Variants in CTNNA3 observed in about 807,000 individuals in gnomAD.
CTNNA3 encodes catenin alpha 3, also known as catenin alpha-3.
CTNNA3 carries 76 observed loss-of-function variants against 95.7 expected under a neutral mutation model. The observed-to-expected ratio is 0.79, with a 90% confidence interval of 0.66 to 0.96. CTNNA3 has a LOEUF of 0.96. Among genes scored for constraint, CTNNA3 ranks in the 40% least tolerant of loss-of-function variants. CTNNA3 has a pLI of 0.00. For missense variants in CTNNA3, 1,191 were observed against 1,089.8 expected (o/e 1.09, Z -1.31); for synonymous variants, 431 against 374.4 (o/e 1.15, Z -1.74).
intron 11 of CTNNA3, among the ~76,000 whole-genome samples, chr10:66,426,321 TTTTTAAAAAA>T (rs1338023199): frequency 6.6e-6 from 1 of 152,084 alleles, no homozygotes; most frequent in Non-Finnish European, 1.5e-5. Flanking sequence ...ATTTAACTTG[TTTTTAAAAAA>T]TAAAACTGTA....
chr10:67,519,514 T>C (rs1839919187), intron 5 of CTNNA3, among the ~76,000 whole-genome samples: 6 of 152,170 alleles, frequency 3.9e-5, no homozygotes, highest in Admixed American at 3.3e-4. Flanking sequence ...GCAAAACACA[T>C]TGATTTTAAT....
intron 10 of CTNNA3, among the ~76,000 whole-genome samples, chr10:66,610,308 A>C (rs901114331): frequency 3.4e-4 from 51 of 152,184 alleles, no homozygotes; most frequent in African/African-American, 9.2e-4. Flanking sequence ...TATGTAACAA[A>C]CCCGCACATG....
At chr10:66,588,478 G>A (rs1843436267) in intron 10 of CTNNA3, among the ~76,000 whole-genome samples, 1 of 152,000 alleles carries the variant, frequency 6.6e-6, no homozygotes, top group South Asian at 2.1e-4. Context: ...TAACACATAG[G>A]CCAGATTTTC....
rs191429816 is a variant in CTNNA3 at position 66,621,542 on chromosome 10, A to C, written c.1374+150T>G. ...AGGAAGCAGAAGTTGCAGTCAGTCGAGATTGCGCCACTGCATTCCAGCCTG... is the reference window on the plus strand; with the variant it reads ...AGGAAGCAGAAGTTGCAGTCAGTCGCGATTGCGCCACTGCATTCCAGCCTG... On this transcript the variant is annotated intron_variant, in intron 10 of 17. Coordinates refer to ENST00000433211, the MANE Select transcript of CTNNA3 (RefSeq NM_013266.4). 1.4e-5 allele frequency: 7 copies of C among 490,120 alleles called. No individual in the cohort carries two copies. The Admixed American group carries it at 1.6e-4, about 11-fold the overall frequency. The allele number at this position is 490,120 out of a possible 1,614,324, so 30.4% of individuals were successfully genotyped here.
rs1476210062 is a variant in CTNNA3, at chr10:65,917,343, T to C, written c.*2987A>G. Reference sequence around the variant, plus strand: ...AGAAACTGACTTAGAAACATTTTACTTCAATAATTTTAATTTGTCATAAAT... The same window carrying C: ...AGAAACTGACTTAGAAACATTTTACCTCAATAATTTTAATTTGTCATAAAT... On this transcript the variant is annotated 3_prime_UTR_variant, in exon 18 of 18. Transcript: ENST00000433211. 6.6e-6 allele frequency: 1 copy of C among 152,208 alleles called. No individual in the cohort carries two copies. Among genetic ancestry groups the C allele is most frequent in the African/African-American group, 2.4e-5 (1 of 41,460 alleles). The allele number at this position is 152,208 out of a possible 1,614,324, so 9.4% of individuals were successfully genotyped here. A position where few individuals can be genotyped will look rare whatever the true frequency, so the allele number is the denominator to read the frequency against.
At chr10:66,466,339 T>TACACACACACACACACACAC (rs143601111) in intron 11 of CTNNA3, among the ~76,000 whole-genome samples, 50 of 141,766 alleles carry the variant, frequency 3.5e-4, no homozygotes, top group African/African-American at 1.2e-3. Context: ...CACCCACCTA[T>TACACACACACACACACACAC]ACACACACAC....
chr10:66,003,785 G>A lies in CTNNA3; in HGVS notation c.2160-14988C>T, dbSNP rs147009519. ...AACAAACATTATTGTGTTATTATGT[G>A]CTTACAACGTTCCAGGCACTGCTGC... On this transcript the variant is annotated intron_variant, in intron 15 of 17. Transcript: ENST00000433211. Among the ~76,000 whole-genome samples, 966 of 152,146 alleles carry A rather than the reference G, an allele frequency of 6.3e-3. 13 individuals are homozygous for A. The highest frequency in any genetic ancestry group is 0.022 in the African/African-American group (915 of 41,504).
chr10:67,621,814 A>AG (rs1226995005), intron 2 of CTNNA3, among the ~76,000 whole-genome samples: 2 of 152,076 alleles, frequency 1.3e-5, no homozygotes, highest in East Asian at 1.9e-4. Context: ...AAGACATAGA[A>AG]GGGGCACCAT....
intron 7 of CTNNA3, among the ~76,000 whole-genome samples, chr10:66,907,574 G>A (rs1387675845): frequency 1.3e-5 from 2 of 152,086 alleles, no homozygotes; most frequent in East Asian, 1.9e-4. Flanking sequence ...CTTGTATTAT[G>A]TTCCTGCCAG....
intron 11 of CTNNA3, among the ~76,000 whole-genome samples, chr10:66,451,259 A>G (rs1364143345): frequency 2.0e-5 from 3 of 152,202 alleles, no homozygotes; most frequent in Non-Finnish European, 2.9e-5. Context: ...TTTAGTGAAC[A>G]GTTACTATGT....
In CTNNA3 at chr10:66,130,877, A is replaced by AG. The variant is rs1353843049; in HGVS notation, c.1885-27629_1885-27628insC. Among the ~76,000 whole-genome samples, 350 of 150,648 alleles carry AG rather than the reference A, an allele frequency of 2.3e-3. 1 individual carries two copies. Among genetic ancestry groups the AG allele is most frequent in the South Asian group, 0.014 (68 of 4,786 alleles). On this transcript the variant is annotated intron_variant, in intron 13 of 17. Transcript: ENST00000433211. ...CTCAAAAACAAACAAAAAAAAAAAA[A>AG]AAAGAAAGAAATACAGAGAATCATC...
intron 9 of CTNNA3, among the ~76,000 whole-genome samples, chr10:66,731,833 G>A (rs547026293): frequency 6.6e-6 from 1 of 152,256 alleles, no homozygotes; most frequent in Non-Finnish European, 1.5e-5. Flanking sequence ...GTTTCCGGAT[G>A]ACATTCCAAA....
intron 9 of CTNNA3, among the ~76,000 whole-genome samples, chr10:66,748,944 G>A (rs188786241): frequency 6.6e-5 from 10 of 151,812 alleles, no homozygotes; most frequent in East Asian, 5.8e-4. Flanking sequence ...AGGCCAAGGC[G>A]GGCGGATCAC....
intron 16 of CTNNA3, among the ~76,000 whole-genome samples, chr10:65,982,435 A>G (rs2078338825): frequency 6.6e-6 from 1 of 151,670 alleles, no homozygotes; most frequent in South Asian, 2.1e-4. Flanking sequence ...AGTATGGAAA[A>G]TAGTGTGGAG....
intron 9 of CTNNA3, among the ~76,000 whole-genome samples, chr10:66,650,057 T>G (rs1845841191): frequency 6.6e-6 from 1 of 152,092 alleles, no homozygotes; most frequent in African/African-American, 2.4e-5. Context: ...CCAGAAAAAA[T>G]ATCAATAAGT....
intron 11 of CTNNA3, among the ~76,000 whole-genome samples, chr10:66,457,760 T>C (rs2131839998): frequency 6.6e-6 from 1 of 150,994 alleles, no homozygotes; most frequent in Non-Finnish European, 1.5e-5. Flanking sequence ...AAATAGCGAG[T>C]AATGTGATGA....
intron 5 of CTNNA3, among the ~76,000 whole-genome samples, chr10:67,399,505 T>G (rs1360521484): frequency 6.6e-6 from 1 of 152,178 alleles, no homozygotes; most frequent in African/African-American, 2.4e-5. Context: ...TCCTAACTCT[T>G]TCAACACCAT....
At chr10:66,662,251 A>T (rs1004189995) in intron 9 of CTNNA3, among the ~76,000 whole-genome samples, 4 of 152,220 alleles carry the variant, frequency 2.6e-5, no homozygotes, top group Non-Finnish European at 5.9e-5. Flanking sequence ...GGTATCCTTA[A>T]CAACATTAAT....
At chr10:66,437,474 G>A (rs539197215) in intron 11 of CTNNA3, among the ~76,000 whole-genome samples, 23 of 151,812 alleles carry the variant, frequency 1.5e-4, no homozygotes, top group Non-Finnish European at 2.5e-4. Context: ...CCACTTGATG[G>A]ATTTGGCTAT....
Sources: gnomAD v4.1 joint callset for allele counts (sites outside exome capture counted in the v4.1 genomes callset) on GRCh38, gnomAD v4.1.1 for gene constraint, MANE v1.5 for transcripts, NCBI Gene and HGNC (gene_info 2026-07-23, HGNC 2026-07-21) for gene names.